SIPA1L1: variants seen among roughly 807,000 people sequenced by gnomAD.
SIPA1L1 encodes the protein signal-induced proliferation-associated 1-like protein 1.
SIPA1L1 carries 26 observed loss-of-function variants against 162.7 expected under a neutral mutation model. The observed-to-expected ratio is 0.16, with a 90% confidence interval of 0.12 to 0.22. The LOEUF is 0.22. SIPA1L1 is among the 10% of genes least tolerant of loss of function. SIPA1L1 has a pLI of 1.00. For missense variants in SIPA1L1, 1,874 were observed against 2,241.0 expected, an observed-to-expected ratio of 0.84 and a Z score of 3.31; for synonymous variants, 829 against 837.4, an observed-to-expected ratio of 0.99 and a Z score of 0.17.
intron 19 of SIPA1L1, among the ~76,000 whole-genome samples, chr14:71,729,683 A>G (rs763277531): frequency 6.6e-6 from 1 of 152,140 alleles, no homozygotes; most frequent in Non-Finnish European, 1.5e-5. Context: ...CTCCCGTTGT[A>G]CAAATGAGGA....
chr14:71,383,946 CT>C (rs796933618), intron 2 of SIPA1L1, among the ~76,000 whole-genome samples: 7 of 152,274 alleles, frequency 4.6e-5, no homozygotes, highest in African/African-American at 1.7e-4. Flanking sequence ...AACTTCTTTG[CT>C]TGTTTATTAC....
intron 4 of SIPA1L1, among the ~76,000 whole-genome samples, chr14:71,535,642 C>CA (rs1200617896): frequency 4.6e-5 from 7 of 151,538 alleles, no homozygotes; most frequent in Admixed American, 4.6e-4. Context: ...GACAGAGTCT[C>CA]AGTCTGTCAC....
chr14:71,323,319 T>C (rs999709979), intron 2 of SIPA1L1, among the ~76,000 whole-genome samples: 2 of 152,226 alleles, frequency 1.3e-5, no homozygotes, highest in Middle Eastern at 3.2e-3. Flanking sequence ...AATGACTGTT[T>C]TTCTTTTTTT....
chr14:71,597,521 C>G (rs1170952784), intron 5 of SIPA1L1, among the ~76,000 whole-genome samples: 1 of 152,164 alleles, frequency 6.6e-6, no homozygotes, highest in Non-Finnish European at 1.5e-5. Context: ...TTGGGTTCCC[C>G]TGCAGCTCCC....
intron 2 of SIPA1L1, among the ~76,000 whole-genome samples, chr14:71,325,502 A>G (rs2033688098): frequency 6.6e-6 from 1 of 152,190 alleles, no homozygotes; most frequent in Admixed American, 6.5e-5. Flanking sequence ...GGGTACAAAA[A>G]ACCATCAGGG....
At chr14:71,665,713 T>C (rs536847370) in intron 10 of SIPA1L1, among the ~76,000 whole-genome samples, 1 of 152,286 alleles carries the variant, frequency 6.6e-6, no homozygotes, top group Admixed American at 6.5e-5. Flanking sequence ...TAGTTCCTCC[T>C]TATCTGTTGG....
intron 5 of SIPA1L1, among the ~76,000 whole-genome samples, chr14:71,616,563 G>A (rs1487334382): frequency 1.3e-5 from 2 of 151,082 alleles, no homozygotes; most frequent in Non-Finnish European, 3.0e-5. Flanking sequence ...TGAGTCCCTA[G>A]GAAGGAGGAA....
chr14:71,341,840 CT>C (rs1246664443), intron 2 of SIPA1L1, among the ~76,000 whole-genome samples: 1 of 152,126 alleles, frequency 6.6e-6, no homozygotes, highest in Non-Finnish European at 1.5e-5. Context: ...TGATTTTACT[CT>C]TTTTTTGTGG....
chr14:71,581,838 C>T (rs943530415), intron 4 of SIPA1L1, among the ~76,000 whole-genome samples: 58 of 152,074 alleles, frequency 3.8e-4, no homozygotes, highest in African/African-American at 1.3e-3. Context: ...CACTATTTTC[C>T]TCTAATAATT....
intron 2 of SIPA1L1, among the ~76,000 whole-genome samples, chr14:71,450,335 G>A (rs1189657393): frequency 6.6e-6 from 1 of 152,144 alleles, no homozygotes; most frequent in African/African-American, 2.4e-5. Flanking sequence ...TAGCTCGATA[G>A]TGTGTTCTCT....
intron 4 of SIPA1L1, among the ~76,000 whole-genome samples, chr14:71,546,204 A>G (rs974896368): frequency 1.3e-5 from 2 of 151,996 alleles, no homozygotes; most frequent in African/African-American, 2.4e-5. Flanking sequence ...TTCAATCTAC[A>G]TATTAAGCTT....
rs747074032 is a variant in SIPA1L1 at position 71,702,521 on chromosome 14, C to G, written c.3646+16C>G. On this transcript the variant is annotated intron_variant, in intron 15 of 23. Transcript: ENST00000381232. The stretch of plus-strand genomic sequence containing the variant: ...GACCAGATGGGTAAGTAATCAATTT[C>G]TACAAGAAGAAAGTTGCTTTTACAA... 8 of 1,611,882 alleles carry G rather than the reference C, an allele frequency of 5.0e-6. No individual in the cohort carries two copies. Among genetic ancestry groups the G allele is most frequent in the African/African-American group, 1.3e-5 (1 of 74,880 alleles).
chr14:71,479,722 T>C (rs2048193597), intron 2 of SIPA1L1, among the ~76,000 whole-genome samples: 1 of 151,934 alleles, frequency 6.6e-6, no homozygotes, highest in South Asian at 2.1e-4. Flanking sequence ...CCCTGTTTTG[T>C]TTTGTTTTGC....
In SIPA1L1 at chr14:71,578,897, A is replaced by C. The variant is rs142830408; in HGVS notation, c.-302-8674A>C. 3.9e-5 allele frequency among the ~76,000 whole-genome samples: 6 copies of C among 152,286 alleles called. No individual in the cohort carries two copies. In the East Asian group the frequency reaches 1.2e-3, roughly 29 times the overall value. On this transcript the variant is annotated intron_variant, in intron 4 of 23. Coordinates refer to ENST00000381232, the MANE Select transcript of SIPA1L1 (RefSeq NM_001386936.1). ...GTTAACGTATTTTACTAAGCGTGAA[A>C]AATACACCAGAACCACGAGAGGTCA...
intron 2 of SIPA1L1, among the ~76,000 whole-genome samples, chr14:71,362,870 G>C (rs539029364): frequency 8.5e-5 from 13 of 152,164 alleles, no homozygotes; most frequent in Non-Finnish European, 1.6e-4. Flanking sequence ...AGTTTCTCAG[G>C]CTTCTGTAAT....
chr14:71,735,216 TGATA>T (rs2085174016), intron 21 of SIPA1L1, 57 bp from the exon 22 acceptor site: 7 of 1,144,922 alleles, frequency 6.1e-6, no homozygotes. Flanking sequence ...TTGTTGACTT[TGATA>T]GATAGGGCCA....
chr14:71,602,095 T>C (rs1340866749), intron 5 of SIPA1L1, among the ~76,000 whole-genome samples: 1 of 152,136 alleles, frequency 6.6e-6, no homozygotes, highest in African/African-American at 2.4e-5. Context: ...ATTTCTTTCC[T>C]TCTACTAATT....
chr14:71,370,537 G>C (rs1282431694), intron 2 of SIPA1L1, among the ~76,000 whole-genome samples: 1 of 152,148 alleles, frequency 6.6e-6, no homozygotes, highest in African/African-American at 2.4e-5. Context: ...TGTGACTGCT[G>C]TATAATTGCC....
At chr14:71,716,959 G>C (rs1263349245) in intron 17 of SIPA1L1, among the ~76,000 whole-genome samples, 1 of 152,206 alleles carries the variant, frequency 6.6e-6, no homozygotes, top group South Asian at 2.1e-4. Context: ...GAGTGCAGTA[G>C]CACGATCTTG....
Sources: allele counts gnomAD v4.1 joint callset (sites outside exome capture counted in the v4.1 genomes callset), GRCh38; gene constraint gnomAD v4.1.1; transcripts MANE v1.5; gene names NCBI Gene and HGNC (gene_info 2026-07-23, HGNC 2026-07-21).